Variants in HYAL4 observed in about 807,000 individuals in gnomAD.
HYAL4 encodes hyaluronidase 4.
In HYAL4, 37 loss-of-function variants were observed where a neutral mutation model predicts 35.2. That is an observed-to-expected ratio of 1.05 (90% CI 0.81 to 1.38). The LOEUF is 1.38. Among genes scored for constraint, HYAL4 ranks in the 40% most tolerant of loss-of-function variants. HYAL4 has a pLI of 0.00. For synonymous variants in HYAL4, 198 were observed against 203.2 expected (o/e 0.97, Z 0.22); for missense variants, 572 against 572.4 (o/e 1.00, Z 0.01).
chr7:123,821,675 T>A, the HYAL4 span, among the ~76,000 whole-genome samples: 1 of 152,222 alleles, frequency 6.6e-6, no homozygotes, highest in African/African-American at 2.4e-5. Context: ...ATGTTTCTTT[T>A]TGTTGCCTGT....
intron 4 of HYAL4, among the ~76,000 whole-genome samples, chr7:123,875,563 A>G (rs990920579): frequency 2.6e-5 from 4 of 151,426 alleles, no homozygotes; most frequent in African/African-American, 2.4e-5. Flanking sequence ...AGGCTGAGGC[A>G]GGAGAATCAC....
chr7:123,872,868 G>A (rs1258758484), intron 3 of HYAL4, among the ~76,000 whole-genome samples: 1 of 152,176 alleles, frequency 6.6e-6, no homozygotes, highest in Admixed American at 6.5e-5. Context: ...GGAAGAAACT[G>A]ACAGCAACCT....
chr7:123,827,343 G>A (rs866134947), upstream of HYAL4, among the ~76,000 whole-genome samples: 2 of 152,230 alleles, frequency 1.3e-5, no homozygotes, highest in Middle Eastern at 3.4e-3. Context: ...ACAGAACAGG[G>A]AATGCCCAAG....
At chr7:123,835,537 A>G (rs1331764341) in intron 1 of HYAL4, among the ~76,000 whole-genome samples, 1 of 151,652 alleles carries the variant, frequency 6.6e-6, no homozygotes, top group Non-Finnish European at 1.5e-5. Flanking sequence ...AGCAGGTTTT[A>G]TTTCATTTAT....
At chr7:123,806,123 C>G in the HYAL4 span, among the ~76,000 whole-genome samples, 17 of 152,110 alleles carry the variant, frequency 1.1e-4, no homozygotes, top group African/African-American at 4.1e-4. Context: ...CAAGACTCAT[C>G]AACAAAACTG....
upstream of HYAL4, among the ~76,000 whole-genome samples, chr7:123,825,821 T>G (rs981208244): frequency 6.6e-6 from 1 of 152,170 alleles, no homozygotes; most frequent in African/African-American, 2.4e-5. Flanking sequence ...CTTTATCAAT[T>G]CAATTTTCTA....
upstream of HYAL4, among the ~76,000 whole-genome samples, chr7:123,841,806 G>C (rs1806071386): frequency 6.6e-6 from 1 of 151,908 alleles, no homozygotes; most frequent in African/African-American, 2.4e-5. Context: ...ATTCACTGAT[G>C]GTAGTTTGTA....
At chr7:123,846,644 C>T (rs1806180331) in intron 1 of HYAL4, among the ~76,000 whole-genome samples, 1 of 152,130 alleles carries the variant, frequency 6.6e-6, no homozygotes. Flanking sequence ...TCACACCCTC[C>T]CCTGAGGTCT....
the HYAL4 span, among the ~76,000 whole-genome samples, chr7:123,764,512 C>T: frequency 5.3e-5 from 8 of 152,168 alleles, no homozygotes; most frequent in Non-Finnish European, 8.8e-5. Context: ...GATGATCCTC[C>T]ACTGCCTAGC....
chr7:123,825,615 G>A (rs951622767), upstream of HYAL4, among the ~76,000 whole-genome samples: 1 of 152,028 alleles, frequency 6.6e-6, no homozygotes, highest in Non-Finnish European at 1.5e-5. Flanking sequence ...TATGATAAGG[G>A]CTGACTATGC....
the HYAL4 span, among the ~76,000 whole-genome samples, chr7:123,800,849 C>T: frequency 3.3e-5 from 5 of 151,646 alleles, no homozygotes; most frequent in Non-Finnish European, 7.4e-5. Context: ...TTAGCAGAGA[C>T]GGGGTTTTAC....
At chr7:123,816,612 T>G in the HYAL4 span, among the ~76,000 whole-genome samples, 3 of 152,160 alleles carry the variant, frequency 2.0e-5, no homozygotes, top group Admixed American at 2.0e-4. Flanking sequence ...TTGGACTTTT[T>G]AATCTTTTTT....
the HYAL4 span, among the ~76,000 whole-genome samples, chr7:123,816,913 A>G: frequency 6.6e-6 from 1 of 152,196 alleles, no homozygotes; most frequent in Non-Finnish European, 1.5e-5. Context: ...AAAATAAGCG[A>G]CTACATTTAG....
chr7:123,875,961 T>C (rs749689139), intron 4 of HYAL4: 44 of 455,010 alleles, frequency 9.7e-5, no homozygotes, highest in Non-Finnish European at 1.8e-4. Flanking sequence ...CATGAAACTG[T>C]TTATGCCTAT....
At chr7:123,765,644 ATTTAT>A in the HYAL4 span, among the ~76,000 whole-genome samples, 5 of 152,154 alleles carry the variant, frequency 3.3e-5, no homozygotes, top group Non-Finnish European at 7.4e-5. Context: ...ACTTTTAAAT[ATTTAT>A]TTTATCAGAA....
upstream of HYAL4, among the ~76,000 whole-genome samples, chr7:123,826,626 T>C (rs1433654512): frequency 6.6e-6 from 1 of 152,162 alleles, no homozygotes; most frequent in East Asian, 1.9e-4. Context: ...AAATTGCTAC[T>C]TGGGAGGATA....
the HYAL4 span, among the ~76,000 whole-genome samples, chr7:123,818,181 G>T: frequency 2.0e-5 from 3 of 152,136 alleles, no homozygotes; most frequent in African/African-American, 7.2e-5. Flanking sequence ...CTGACCAGTT[G>T]TCTTAACACT....
chr7:123,868,242 A>G lies in HYAL4; in HGVS notation c.-32A>G. The G allele has an allele frequency of 7.6e-7, 1 of 1,317,252 alleles. No individual in the cohort carries two copies. The highest frequency in any genetic ancestry group is 1.0e-6 in the Non-Finnish European group (1 of 966,998). The allele number at this position is 1,317,252 out of a possible 1,614,324, so 81.6% of individuals were successfully genotyped here. A position where few individuals can be genotyped will look rare whatever the true frequency, so the allele number is the denominator to read the frequency against. On this transcript the variant is annotated 5_prime_UTR_variant, in exon 3 of 5. Coordinates refer to ENST00000223026, the MANE Select transcript of HYAL4 (RefSeq NM_012269.3). ...CCACAGGTCTTCTAGAGTGCACTAAAGCAGAAGATAACGTAACATTTTTAT... is the reference window on the plus strand; with the variant it reads ...CCACAGGTCTTCTAGAGTGCACTAAGGCAGAAGATAACGTAACATTTTTAT...
upstream of HYAL4, chr7:123,844,304 T>G (rs999771690): frequency 6.6e-6 from 1 of 152,302 alleles, no homozygotes; most frequent in African/African-American, 2.4e-5. Flanking sequence ...AGACCTTGTT[T>G]ACCTGGGTAT....
Sources: gnomAD v4.1 joint callset for allele counts (sites outside exome capture counted in the v4.1 genomes callset) on GRCh38, gnomAD v4.1.1 for gene constraint, MANE v1.5 for transcripts, NCBI Gene and HGNC (gene_info 2026-07-23, HGNC 2026-07-21) for gene names.